TRPC7: variants seen among roughly 807,000 people sequenced by gnomAD.
TRPC7 encodes short transient receptor potential channel 7.
TRPC7 carries 42 observed loss-of-function variants against 90.1 expected under a neutral mutation model. The observed-to-expected ratio is 0.47, with a 90% CI of 0.36 to 0.60. TRPC7 has a LOEUF of 0.60. TRPC7 is among the 20% of genes least tolerant of loss of function. The pLI, the probability that TRPC7 is intolerant of heterozygous loss-of-function variation, is 0.00. For synonymous variants in TRPC7, 451 were observed against 436.3 expected (o/e 1.03, Z -0.42); for missense variants, 955 against 1,112.3 (o/e 0.86, Z 2.01).
At chr5:136,261,688 C>T (rs1756862050) in intron 5 of TRPC7, among the ~76,000 whole-genome samples, 1 of 152,236 alleles carries the variant, frequency 6.6e-6, no homozygotes, top group Non-Finnish European at 1.5e-5. Context: ...CTCATCTTCC[C>T]ATGCTTTAAA....
At chr5:136,365,132 A>C in intron 1 of TRPC7, 121 bp downstream of exon 1, 4 of 1,147,002 alleles carry the variant, frequency 3.5e-6, no homozygotes, top group Non-Finnish European at 2.5e-6. Flanking sequence ...CCATCTAAAA[A>C]TCTAAGCAGT....
At chr5:136,279,663 A>C (rs1757481184) in intron 3 of TRPC7, among the ~76,000 whole-genome samples, 2 of 152,002 alleles carry the variant, frequency 1.3e-5, no homozygotes, top group Admixed American at 1.3e-4. Flanking sequence ...CCTGGCAGCA[A>C]CTCTCTCCAC....
At chr5:136,354,863 T>C (rs1580990041) in intron 2 of TRPC7, among the ~76,000 whole-genome samples, 1 of 152,324 alleles carries the variant, frequency 6.6e-6, no homozygotes, top group East Asian at 1.9e-4. Context: ...CATCTTCACT[T>C]ACCTCCTCCA....
rs888140057 is a variant in TRPC7 at position 136,302,802 on chromosome 5, C to T, written c.963+12795G>A. On this transcript the variant is annotated intron_variant, in intron 3 of 11. Transcript: ENST00000513104. Reference sequence around the variant, plus strand: ...TGGGCAAATGGTCTGAGGTGCCTGACGTCCAGGCATTCTTTTACACATCAG... The same window carrying T: ...TGGGCAAATGGTCTGAGGTGCCTGATGTCCAGGCATTCTTTTACACATCAG... Among the ~76,000 whole-genome samples, 14 of 152,226 alleles carry T rather than the reference C, an allele frequency of 9.2e-5. No homozygotes were observed. The East Asian group carries it at 1.5e-3, about 17-fold the overall frequency.
rs143330265 is a variant in TRPC7, at chr5:136,300,679, G to A, written c.963+14918C>T. Among the ~76,000 whole-genome samples, 27 of 152,338 alleles carry A rather than the reference G, an allele frequency of 1.8e-4. No individual in the cohort carries two copies. The East Asian group carries it at 5.0e-3, about 28-fold the overall frequency. On this transcript the variant is annotated intron_variant, in intron 3 of 11. Transcript: ENST00000513104. Reference sequence around the variant, plus strand: ...CCCCAAAGGGACACGGGTCAGCAATGAAGGACATGGAGATGATAGCCCTAA... The same window carrying A: ...CCCCAAAGGGACACGGGTCAGCAATAAAGGACATGGAGATGATAGCCCTAA...
At chr5:136,243,361 T>C (rs1756228982) in intron 7 of TRPC7, among the ~76,000 whole-genome samples, 1 of 151,994 alleles carries the variant, frequency 6.6e-6, no homozygotes, top group South Asian at 2.1e-4. Context: ...GCTGGGGGGA[T>C]ACCTGCAGTG....
At chr5:136,321,492 C>A (rs182949154) in intron 2 of TRPC7, among the ~76,000 whole-genome samples, 1 of 152,292 alleles carries the variant, frequency 6.6e-6, no homozygotes, top group Admixed American at 6.5e-5. Flanking sequence ...AAGGTACACA[C>A]TGTTCAATCA....
intron 3 of TRPC7, among the ~76,000 whole-genome samples, chr5:136,290,371 G>A (rs925502185): frequency 2.0e-5 from 3 of 152,086 alleles, no homozygotes; most frequent in Non-Finnish European, 4.4e-5. Context: ...TCGAACCAAT[G>A]GCAAAGAAGT....
In TRPC7 at chr5:136,267,836, A is replaced by G. The variant is rs189469614; in HGVS notation, c.1129-1400T>C. ...GAATTCATCTGCATATTGTCATATG[A>G]CACTAGGAATAACTTCAGAAATATA... On this transcript the variant is annotated intron_variant, in intron 4 of 11. Coordinates refer to ENST00000513104, the MANE Select transcript of TRPC7 (RefSeq NM_020389.3). Among the ~76,000 whole-genome samples the G allele has an allele frequency of 2.0e-5, 3 of 152,344 alleles. No homozygotes were observed. The East Asian group carries it at 5.8e-4, about 29-fold the overall frequency.
chr5:136,347,914 T>G (rs774403569), intron 2 of TRPC7, among the ~76,000 whole-genome samples: 1 of 152,176 alleles, frequency 6.6e-6, no homozygotes, highest in African/African-American at 2.4e-5. Context: ...AAAACGGTGG[T>G]CCTGGAAGCA....
At chr5:136,295,736 G>A (rs1399593232) in intron 3 of TRPC7, among the ~76,000 whole-genome samples, 1 of 152,204 alleles carries the variant, frequency 6.6e-6, no homozygotes, top group Non-Finnish European at 1.5e-5. Context: ...AATCTGAGTA[G>A]TTTATCCTAT....
intron 3 of TRPC7, among the ~76,000 whole-genome samples, chr5:136,282,819 A>G (rs1199860971): frequency 6.6e-6 from 1 of 152,148 alleles, no homozygotes; most frequent in African/African-American, 2.4e-5. Context: ...CATCCACCAG[A>G]CATGTATTAA....
intron 3 of TRPC7, among the ~76,000 whole-genome samples, chr5:136,299,451 G>C (rs990391244): frequency 6.6e-6 from 1 of 151,618 alleles, no homozygotes; most frequent in Admixed American, 6.6e-5. Context: ...TAATCATCCA[G>C]GCAAGATATG....
intron 7 of TRPC7, among the ~76,000 whole-genome samples, chr5:136,244,001 C>G (rs1393920352): frequency 6.6e-6 from 1 of 152,108 alleles, no homozygotes; most frequent in East Asian, 1.9e-4. Flanking sequence ...CCCCATCACT[C>G]TTCCTAATCC....
Position 136,326,298 on chromosome 5 carries a change from C to T in TRPC7, c.781-10519G>A, listed in dbSNP as rs1245061305. Among the ~76,000 whole-genome samples, 3 of 152,196 alleles carry T rather than the reference C, an allele frequency of 2.0e-5. No homozygotes were observed. In the South Asian group the frequency reaches 6.2e-4, roughly 32 times the overall value. On this transcript the variant is annotated intron_variant, in intron 2 of 11. Transcript: ENST00000513104. ...CTGGACAACTCATTGTCAAGACCCT[C>T]CACCACTAACAGTATGAGTAGAGGA...
chr5:136,268,993 CA>C (rs1212419224), intron 4 of TRPC7, among the ~76,000 whole-genome samples: 9 of 152,124 alleles, frequency 5.9e-5, no homozygotes, highest in African/African-American at 2.2e-4. Context: ...AAATTTCCTC[CA>C]TTTGCAAGGC....
chr5:136,291,079 A>T lies in TRPC7; in HGVS notation c.964-16242T>A, dbSNP rs574083949. 3.3e-5 allele frequency among the ~76,000 whole-genome samples: 5 copies of T among 152,362 alleles called. No homozygotes were observed. The East Asian group carries it at 9.6e-4, about 29-fold the overall frequency. On this transcript the variant is annotated intron_variant, in intron 3 of 11. Transcript: ENST00000513104. The stretch of plus-strand genomic sequence containing the variant: ...GAAGGAGAAATAAAATCCTTTACAG[A>T]GAAGCAAATGCTGAGAGATTTAGTC...
At chr5:136,322,288 A>ACAGGC (rs1759223441) in intron 2 of TRPC7, among the ~76,000 whole-genome samples, 1 of 152,194 alleles carries the variant, frequency 6.6e-6, no homozygotes, top group African/African-American at 2.4e-5. Context: ...TGCTGGGATT[A>ACAGGC]CAGGCATAAG....
chr5:136,242,198 C>G (rs113009434), intron 7 of TRPC7, among the ~76,000 whole-genome samples: 13 of 152,186 alleles, frequency 8.5e-5, no homozygotes, highest in African/African-American at 3.1e-4. Flanking sequence ...CTTCCTTACC[C>G]ATGTCTTGGG....
Sources: gnomAD v4.1 joint callset for allele counts (sites outside exome capture counted in the v4.1 genomes callset) on GRCh38, gnomAD v4.1.1 for gene constraint, MANE v1.5 for transcripts, NCBI Gene and HGNC (gene_info 2026-07-23, HGNC 2026-07-21) for gene names.